Variants in TTC23L observed in about 807,000 individuals in gnomAD.
The protein encoded by TTC23L is tetratricopeptide repeat protein 23-like.
Under a neutral mutation model 48.1 loss-of-function variants are expected in TTC23L, and 42 were observed. The ratio of observed to expected loss-of-function variants is 0.87; its 90% CI spans 0.68 to 1.13. TTC23L has a LOEUF of 1.13. Among genes scored for constraint, TTC23L ranks in the 50% most tolerant of loss-of-function variants. The pLI is 0.00. For missense variants in TTC23L, 391 were observed against 421.0 expected (o/e 0.93, Z 0.62); for synonymous variants, 159 against 157.2 (o/e 1.01, Z -0.09).
chr5:34,873,730 C>G (rs1375656722), intron 8 of TTC23L, among the ~76,000 whole-genome samples: 1 of 152,124 alleles, frequency 6.6e-6, no homozygotes, highest in Non-Finnish European at 1.5e-5. Flanking sequence ...CCTGGATACC[C>G]ACAAAACTAC....
At chr5:34,880,708 G>C (rs1249449415) in intron 9 of TTC23L, 1 of 355,348 alleles carries the variant, frequency 2.8e-6, no homozygotes, top group Non-Finnish European at 5.4e-6. Context: ...GGGCGATCTC[G>C]GCTCACTGCA....
At chr5:34,877,433 CT>C (rs1279652065) in intron 8 of TTC23L, among the ~76,000 whole-genome samples, 1 of 63,156 alleles carries the variant, frequency 1.6e-5, no homozygotes, top group Non-Finnish European at 3.3e-5. Flanking sequence ...TTTCTTTTTT[CT>C]TTTTTTGAGA....
intron 9 of TTC23L, chr5:34,880,644 A>T (rs6866230): frequency 1.1e-5 from 4 of 379,760 alleles, no homozygotes; most frequent in Non-Finnish European, 2.0e-5. Context: ...TCTCTGACAA[A>T]CTTTTTTTTT....
chr5:34,843,895 C>T (rs183998551), intron 2 of TTC23L, among the ~76,000 whole-genome samples: 2 of 152,226 alleles, frequency 1.3e-5, no homozygotes, highest in African/African-American at 4.8e-5. Context: ...AGGCTCAGCC[C>T]CTGCCGTATT....
In TTC23L at chr5:34,844,501, AT is replaced by A. The variant is rs747861642; in HGVS notation, c.69-976del. ...GTTATTTTCTTCTTGTGCTTTTCTG[AT>A]TTTTTTTTTATTTAAACATTGAACA... is the stretch of plus-strand genomic sequence containing the variant. On this transcript the variant is annotated intron_variant, in intron 2 of 10. Coordinates refer to ENST00000505624, the Ensembl canonical transcript of TTC23L. 2.8e-3 allele frequency among the ~76,000 whole-genome samples: 394 copies of A among 140,902 alleles called. 4 individuals carry two copies. Among genetic ancestry groups the A allele is most frequent in the African/African-American group, 8.2e-3 (317 of 38,606 alleles). The allele number at this position is 140,902 out of a possible 152,430, so 92.4% of individuals were successfully genotyped here.
chr5:34,859,914 G>A (rs965900046), intron 4 of TTC23L, among the ~76,000 whole-genome samples: 1 of 138,460 alleles, frequency 7.2e-6, no homozygotes, highest in Non-Finnish European at 1.5e-5. Context: ...CGTGATCTCG[G>A]CTCACTGCAA....
the TTC23L span, chr5:34,922,746 G>C: frequency 6.2e-7 from 1 of 1,613,914 alleles, no homozygotes; most frequent in South Asian, 1.1e-5. Flanking sequence ...AAAGGTTCTC[G>C]GCCCCTTTTG....
At chr5:34,839,908 ATTG>A (rs1486440198) in intron 1 of TTC23L, among the ~76,000 whole-genome samples, 4 of 152,120 alleles carry the variant, frequency 2.6e-5, no homozygotes, top group African/African-American at 9.7e-5. Flanking sequence ...ATTTCATTTT[ATTG>A]TTTTATTTTA....
At chr5:34,890,269 G>C (rs1762784235) in intron 9 of TTC23L, among the ~76,000 whole-genome samples, 1 of 151,490 alleles carries the variant, frequency 6.6e-6, no homozygotes, top group South Asian at 2.1e-4. Context: ...ACATGGTGAA[G>C]CGCCATCGCT....
intron 5 of TTC23L, among the ~76,000 whole-genome samples, chr5:34,864,042 A>G (rs1330579132): frequency 1.3e-5 from 2 of 152,180 alleles, no homozygotes; most frequent in African/African-American, 4.8e-5. Context: ...TGGACTTTCT[A>G]AATGACCCAG....
chr5:34,924,318 TCCTAAC>T, the TTC23L span, among the ~76,000 whole-genome samples: 3 of 152,346 alleles, frequency 2.0e-5, no homozygotes, highest in Admixed American at 2.0e-4. Flanking sequence ...GAACACATCA[TCCTAAC>T]CTCTGAGGGT....
At chr5:34,914,972 T>TA in the TTC23L span, 8 of 1,501,446 alleles carry the variant, frequency 5.3e-6, no homozygotes, top group African/African-American at 1.1e-4. Flanking sequence ...CTGAAGGGAT[T>TA]AGACAGTAAA....
intron 4 of TTC23L, among the ~76,000 whole-genome samples, chr5:34,857,691 A>C (rs1343741779): frequency 2.6e-5 from 4 of 152,198 alleles, no homozygotes; most frequent in African/African-American, 9.7e-5. Context: ...CACTTCATTC[A>C]GGTACTATTT....
chr5:34,851,303 G>C (rs1181170772), intron 4 of TTC23L, among the ~76,000 whole-genome samples: 6 of 152,108 alleles, frequency 3.9e-5, no homozygotes, highest in Admixed American at 3.3e-4. Context: ...CAATATATTT[G>C]GGCCATAATG....
the TTC23L span, chr5:34,914,940 T>C: frequency 6.2e-7 from 1 of 1,601,980 alleles, no homozygotes; most frequent in Non-Finnish European, 8.5e-7. Flanking sequence ...GGCCAACAAC[T>C]TCTCGGCGGA....
At chr5:34,877,613 G>A (rs150681133) in intron 8 of TTC23L, among the ~76,000 whole-genome samples, 1,765 of 151,848 alleles carry the variant, frequency 0.012, 27 homozygotes, top group African/African-American at 0.041. Flanking sequence ...TAGTAGAGAC[G>A]GGGTTTCACC....
Position 34,871,296 on chromosome 5 carries a change from T to TA in TTC23L, c.949+2291dup, listed in dbSNP as rs536266387. On this transcript the variant is annotated intron_variant, in intron 8 of 10. Coordinates refer to ENST00000505624, the Ensembl canonical transcript of TTC23L. ...CAATGAACAACTGGAAACAAAAATTTAAAAAAAATCACAATAGCCCCATCC... is the reference window on the plus strand; with the variant it reads ...CAATGAACAACTGGAAACAAAAATTTAAAAAAAAATCACAATAGCCCCATCC... 8.1e-3 allele frequency among the ~76,000 whole-genome samples: 1,226 copies of TA among 151,882 alleles called. 11 individuals carry two copies. Among genetic ancestry groups the TA allele is most frequent in the African/African-American group, 0.025 (1,039 of 41,432 alleles).
chr5:34,850,897 G>A (rs982914888), intron 4 of TTC23L, among the ~76,000 whole-genome samples: 2 of 152,190 alleles, frequency 1.3e-5, no homozygotes, highest in Admixed American at 1.3e-4. Context: ...TTGTAGTACA[G>A]GCTGAATAAA....
At chr5:34,922,276 T>G in the TTC23L span, 1 of 1,568,500 alleles carries the variant, frequency 6.4e-7, no homozygotes, top group Non-Finnish European at 8.7e-7. Flanking sequence ...AAAAACAGGA[T>G]CTCTATATGT....
Sources: allele counts gnomAD v4.1 joint callset (sites outside exome capture counted in the v4.1 genomes callset), GRCh38; gene constraint gnomAD v4.1.1; transcripts MANE v1.5; gene names NCBI Gene and HGNC (gene_info 2026-07-23, HGNC 2026-07-21).